Variants in GOLGA7 observed in about 807,000 individuals in gnomAD.
GOLGA7 encodes golgin A7, also known as golgin subfamily A member 7.
GOLGA7 carries 10 observed loss-of-function variants against 21.1 expected under a neutral mutation model. That is an observed-to-expected ratio of 0.47 (90% CI 0.29 to 0.80). The LOEUF (loss-of-function observed/expected upper bound fraction) is 0.80. Ranked by LOEUF, GOLGA7 falls within the 30% of genes least tolerant of loss-of-function variation. The probability of loss-of-function intolerance (pLI) is 0.08; values close to 1 mark genes in which losing one functional copy is unlikely to be tolerated. For synonymous variants in GOLGA7, 64 were observed against 62.6 expected (o/e 1.02, Z -0.10); for missense variants, 114 against 166.8 (o/e 0.68, Z 1.74).
chr8:41,492,729 G>A lies in GOLGA7; in HGVS notation c.111+1764G>A, dbSNP rs548349344. Among the ~76,000 whole-genome samples, 10 of 152,216 alleles carry A rather than the reference G, an allele frequency of 6.6e-5. 1 individual carries two copies. In the South Asian group the frequency reaches 1.2e-3, roughly 19 times the overall value. On this transcript the variant is annotated intron_variant, in intron 1 of 4. Coordinates refer to ENST00000357743, the MANE Select transcript of GOLGA7 (RefSeq NM_001002296.2). ...AATGTTTTATTTTTAAGCCTCTTAC[G>A]GAAACTATGACATACAATTTATGTA...
At chr8:41,493,581 T>A (rs1206701156) in intron 1 of GOLGA7, among the ~76,000 whole-genome samples, 1 of 152,204 alleles carries the variant, frequency 6.6e-6, no homozygotes, top group Non-Finnish European at 1.5e-5. Context: ...GATATCTTAG[T>A]TACCCTTGGT....
chr8:41,509,862 A>G lies in GOLGA7; in HGVS notation c.*294A>G, dbSNP rs2150449391. On this transcript the variant is annotated 3_prime_UTR_variant, in exon 5 of 5. Coordinates refer to ENST00000357743, the MANE Select transcript of GOLGA7 (RefSeq NM_001002296.2). ...TTTTTATTCAAAGCCATTTAATAAA[A>G]CACAGTTGGTCAGCCCAGTGCAAAG... 1 of 152,714 alleles carries G rather than the reference A, an allele frequency of 6.5e-6. No homozygotes were observed. Among genetic ancestry groups the G allele is most frequent in the South Asian group, 2.1e-4 (1 of 4,822 alleles). The allele number at this position is 152,714 out of a possible 1,614,324, so 9.5% of individuals were successfully genotyped here.
intron 1 of GOLGA7, among the ~76,000 whole-genome samples, chr8:41,497,285 TAGAA>T (rs1806042094): frequency 6.6e-6 from 1 of 151,846 alleles, no homozygotes; most frequent in Non-Finnish European, 1.5e-5. Context: ...TGAAATTTAG[TAGAA>T]AGAATAAAGA....
chr8:41,497,271 T>TACTTGAAATTTAGTAGAAAGAATAAAG (rs1806041717), intron 1 of GOLGA7, among the ~76,000 whole-genome samples: 1 of 151,952 alleles, frequency 6.6e-6, no homozygotes, highest in Non-Finnish European at 1.5e-5. Context: ...AGCCTAAAGT[T>TACTTGAAATTTAGTAGAAAGAATAAAG]ACTTGAAATT....
At chr8:41,495,692 G>C (rs923256782) in intron 1 of GOLGA7, among the ~76,000 whole-genome samples, 1 of 150,754 alleles carries the variant, frequency 6.6e-6, no homozygotes, top group Admixed American at 6.6e-5. Flanking sequence ...TTTTAAATAA[G>C]GACTTCATAA....
At chr8:41,503,399 A>G (rs1033627698) in intron 2 of GOLGA7, among the ~76,000 whole-genome samples, 1 of 128,996 alleles carries the variant, frequency 7.8e-6, no homozygotes, top group African/African-American at 3.0e-5. Context: ...TTTGCTGTGC[A>G]GAAGCTCTTT....
intron 2 of GOLGA7, among the ~76,000 whole-genome samples, chr8:41,504,140 AACAAAAC>A (rs1563419565): frequency 7.2e-4 from 104 of 145,426 alleles, no homozygotes; most frequent in African/African-American, 2.4e-3. Context: ...AAAAAAACAA[AACAAAAC>A]AAAAAAAAAA....
chr8:41,497,687 A>T (rs770447674), intron 2 of GOLGA7, 26 bp downstream of exon 2: 5 of 1,294,852 alleles, frequency 3.9e-6, no homozygotes. Context: ...TTTTCACAAA[A>T]ATCTCTTAAA....
chr8:41,492,567 T>C (rs528093576), intron 1 of GOLGA7, among the ~76,000 whole-genome samples: 115 of 152,246 alleles, frequency 7.6e-4, no homozygotes, highest in Non-Finnish European at 1.4e-3. Context: ...GAGGCTGAAG[T>C]AGAAGAATTT....
intron 4 of GOLGA7, among the ~76,000 whole-genome samples, chr8:41,508,287 G>T (rs755627463): frequency 6.6e-6 from 1 of 152,130 alleles, no homozygotes; most frequent in Non-Finnish European, 1.5e-5. Flanking sequence ...CATTTTGTCT[G>T]CTCCTGTATG....
chr8:41,501,306 C>T (rs190226121), intron 2 of GOLGA7, among the ~76,000 whole-genome samples: 3 of 142,562 alleles, frequency 2.1e-5, no homozygotes, highest in East Asian at 2.0e-4. Flanking sequence ...TTCTTGAGGT[C>T]GATTTTTTTT....
intron 2 of GOLGA7, among the ~76,000 whole-genome samples, chr8:41,499,328 C>T (rs1388070215): frequency 6.6e-6 from 1 of 152,128 alleles, no homozygotes; most frequent in Non-Finnish European, 1.5e-5. Flanking sequence ...CATCCATAGG[C>T]GGCTTGTGTT....
intron 2 of GOLGA7, among the ~76,000 whole-genome samples, chr8:41,498,863 A>C (rs1210537022): frequency 6.6e-6 from 1 of 152,218 alleles, no homozygotes; most frequent in Non-Finnish European, 1.5e-5. Flanking sequence ...CTGTAAATTA[A>C]TCATGGTAAG....
intron 1 of GOLGA7, among the ~76,000 whole-genome samples, chr8:41,493,267 T>TA (rs1805928735): frequency 6.6e-6 from 1 of 152,242 alleles, no homozygotes; most frequent in African/African-American, 2.4e-5. Context: ...GTTTCTCTAC[T>TA]ACTTACCCTA....
chr8:41,495,330 A>G (rs768377324), intron 1 of GOLGA7, among the ~76,000 whole-genome samples: 2 of 151,230 alleles, frequency 1.3e-5, no homozygotes, highest in Non-Finnish European at 2.9e-5. Flanking sequence ...TGTCACCCAG[A>G]CTGGAGTGCA....
In GOLGA7 at chr8:41,509,799, A is replaced by G. The variant is rs1171888159; in HGVS notation, c.*231A>G. 2 of 152,600 alleles carry G rather than the reference A, an allele frequency of 1.3e-5. No homozygotes were observed. The highest frequency in any genetic ancestry group is 2.9e-5 in the Non-Finnish European group (2 of 68,042). 9.5% of individuals were successfully genotyped at this position (152,600 alleles called of 1,614,324 possible). A position where few individuals can be genotyped will look rare whatever the true frequency, so the allele number is the denominator to read the frequency against. ...TTGTGTAGGACTCTGTAATCTTTTG[A>G]TTAGTTTCTGAGAAAACACAATGAA... On this transcript the variant is annotated 3_prime_UTR_variant, in exon 5 of 5. Coordinates refer to ENST00000357743, the MANE Select transcript of GOLGA7 (RefSeq NM_001002296.2).
In GOLGA7 at chr8:41,510,399, G is replaced by A; in HGVS notation, c.*831G>A. 1 of 152,456 alleles carries A rather than the reference G, an allele frequency of 6.6e-6. No individual in the cohort carries two copies. The allele number at this position is 152,456 out of a possible 1,614,324, so 9.4% of individuals were successfully genotyped here. On this transcript the variant is annotated 3_prime_UTR_variant, in exon 5 of 5. Transcript: ENST00000357743. The stretch of plus-strand genomic sequence containing the variant: ...TGTGTCCCTGGATATGGAATAAGCA[G>A]GTATAAAAAATATTTTAATTATAGT...
At position 41,501,577 on chromosome 8, in the gene GOLGA7, C is replaced by T. The variant is rs369592845; in HGVS notation, c.264+3916C>T. 2.0e-5 allele frequency among the ~76,000 whole-genome samples: 3 copies of T among 152,104 alleles called. 1 individual carries two copies. Among genetic ancestry groups the T allele is most frequent in the Admixed American group, 6.5e-5 (1 of 15,270 alleles). On this transcript the variant is annotated intron_variant, in intron 2 of 4. Coordinates refer to ENST00000357743, the MANE Select transcript of GOLGA7 (RefSeq NM_001002296.2). ...TTATTACTTACTTTTTTAAAAAAAA[C>T]TAGAGATGGGGTCTCACTATGTTGG...
intron 1 of GOLGA7, among the ~76,000 whole-genome samples, chr8:41,496,269 C>G (rs540077212): frequency 6.6e-6 from 1 of 151,940 alleles, no homozygotes; most frequent in Non-Finnish European, 1.5e-5. Flanking sequence ...CTGGAAGGGT[C>G]TTTTTCTCTT....
Sources: allele counts gnomAD v4.1 joint callset (sites outside exome capture counted in the v4.1 genomes callset), GRCh38; gene constraint gnomAD v4.1.1; transcripts MANE v1.5; gene names NCBI Gene and HGNC (gene_info 2026-07-23, HGNC 2026-07-21).